The following MPHOSPH9 variants were observed in gnomAD, a reference collection of about 807,000 sequenced individuals.
MPHOSPH9 encodes M-phase phosphoprotein 9.
In MPHOSPH9, 88 loss-of-function variants were observed where a neutral mutation model predicts 145.5. That is an observed-to-expected ratio of 0.60 (90% confidence interval 0.51 to 0.72). The LOEUF is 0.72. Ranked by LOEUF, MPHOSPH9 falls within the 30% of genes least tolerant of loss-of-function variation. MPHOSPH9 has a pLI of 0.00. For synonymous variants in MPHOSPH9, 435 were observed against 486.2 expected (o/e 0.89, Z 1.39); for missense variants, 1,238 against 1,386.6 (o/e 0.89, Z 1.70).
chr12:123,177,984 G>A (rs1235501548), intron 15 of MPHOSPH9, among the ~76,000 whole-genome samples: 1 of 152,202 alleles, frequency 6.6e-6, no homozygotes, highest in East Asian at 1.9e-4. Flanking sequence ...TTTACCAACA[G>A]GAAATAACTA....
rs532807945 is a variant in MPHOSPH9, at chr12:123,202,115, T to A, written c.1937+49A>T. The A allele has an allele frequency of 6.0e-6, 9 of 1,497,554 alleles. No individual in the cohort carries two copies. In the African/African-American group the frequency reaches 1.1e-4, roughly 19 times the overall value. The allele number at this position is 1,497,554 out of a possible 1,614,324, so 92.8% of individuals were successfully genotyped here. A position where few individuals can be genotyped will look rare whatever the true frequency, so the allele number is the denominator to read the frequency against. On this transcript the variant is annotated intron_variant, in intron 11 of 23. Transcript: ENST00000606320. ...TTCTCACATTATACTTCTGTGAAAA[T>A]AATACATCCAAGGTGGAGAAAACTT...
chr12:123,187,857 G>A (rs1001628451), intron 13 of MPHOSPH9, among the ~76,000 whole-genome samples: 6 of 152,294 alleles, frequency 3.9e-5, no homozygotes, highest in African/African-American at 7.2e-5. Context: ...TGGGCGCCGT[G>A]GCTCGCACCT....
chr12:123,153,381 G>A (rs919690095), downstream of MPHOSPH9: 3 of 152,128 alleles, frequency 2.0e-5, no homozygotes, highest in Non-Finnish European at 2.9e-5. Flanking sequence ...AAAGCGTGAA[G>A]AGAACATCTT....
At chr12:123,153,466 A>G (rs1351226666), downstream of MPHOSPH9, 1 of 152,200 alleles carries the variant, frequency 6.6e-6, no homozygotes, top group Non-Finnish European at 1.5e-5. Flanking sequence ...TTTTTATTTC[A>G]GAAAGTATGC....
intron 1 of MPHOSPH9, 74 bp from the exon 2 acceptor site, chr12:123,230,596 G>A (rs2047601602): frequency 7.9e-6 from 3 of 379,060 alleles, no homozygotes; most frequent in South Asian, 4.2e-5. Flanking sequence ...ACATAACTTT[G>A]GAAACCTTAA....
intron 1 of MPHOSPH9, among the ~76,000 whole-genome samples, chr12:123,241,163 T>G (rs117091269): frequency 0.037 from 5,610 of 151,408 alleles, 138 homozygotes; most frequent in Non-Finnish European, 0.056. Context: ...TTTTTGTTTT[T>G]TTTTTAATAA....
At chr12:123,177,949 T>C (rs1183884741) in intron 15 of MPHOSPH9, among the ~76,000 whole-genome samples, 1 of 152,224 alleles carries the variant, frequency 6.6e-6, no homozygotes, top group African/African-American at 2.4e-5. Context: ...TTGTGCCATG[T>C]TCAAAATAAA....
At chr12:123,179,265 A>G (rs1346514090) in intron 15 of MPHOSPH9, among the ~76,000 whole-genome samples, 2 of 152,070 alleles carry the variant, frequency 1.3e-5, no homozygotes. Context: ...CTTACTTCTA[A>G]AAAAAGTTTT....
chr12:123,163,392 C>T (rs757027184), intron 19 of MPHOSPH9: 4 of 356,506 alleles, frequency 1.1e-5, no homozygotes, highest in Non-Finnish European at 2.0e-5. Context: ...TTTTAGAAGT[C>T]GACTGGAAAT....
At chr12:123,198,513 G>C (rs947795489) in intron 11 of MPHOSPH9, among the ~76,000 whole-genome samples, 179 bp from the exon 12 acceptor site, 1 of 151,948 alleles carries the variant, frequency 6.6e-6, no homozygotes, top group Non-Finnish European at 1.5e-5. Flanking sequence ...AGTATGTAGA[G>C]AAAAGGCTAA....
chr12:123,161,099 C>T, intron 22 of MPHOSPH9, 37 bp downstream of exon 22: 1 of 1,606,256 alleles, frequency 6.2e-7, no homozygotes, highest in Non-Finnish European at 8.5e-7. Flanking sequence ...GCATTAAGTT[C>T]AGAAAACAAT....
intron 13 of MPHOSPH9, 44 bp downstream of exon 13, chr12:123,194,342 T>C: frequency 8.4e-7 from 1 of 1,194,056 alleles, no homozygotes; most frequent in East Asian, 2.4e-5. Flanking sequence ...CCTAAATTAC[T>C]TTTAGCCAAT....
Position 123,156,148 on chromosome 12 carries a change from T to A in MPHOSPH9, c.*659A>T, listed in dbSNP as rs926386903. ...AGAGAGGGCTCTCCAATTGTTTAAC[T>A]TTTTTAGAAAAGATAAAATTAGAGA... On this transcript the variant is annotated 3_prime_UTR_variant, in exon 24 of 24. Transcript: ENST00000606320. The A allele has an allele frequency of 6.6e-6, 1 of 152,206 alleles. No individual in the cohort carries two copies. The highest frequency in any genetic ancestry group is 1.5e-5 in the Non-Finnish European group (1 of 68,042). The allele number at this position is 152,206 out of a possible 1,614,324, so 9.4% of individuals were successfully genotyped here.
At chr12:123,169,539 A>G (rs2044483577) in intron 16 of MPHOSPH9, among the ~76,000 whole-genome samples, 1 of 152,030 alleles carries the variant, frequency 6.6e-6, no homozygotes, top group African/African-American at 2.4e-5. Flanking sequence ...GGAAAATTAC[A>G]AAGAATACTA....
rs2046281428 is a variant in MPHOSPH9 at position 123,202,852 on chromosome 12, A to C, written c.1553T>G (p.Val518Gly). 8 of 1,614,062 alleles carry C rather than the reference A, an allele frequency of 5.0e-6. No individual in the cohort carries two copies. The Admixed American group carries it at 1.2e-4, about 24-fold the overall frequency. ...KYPSHTKASP[V>G]DSWKNQTFQN... is the part of the protein sequence containing the mutation. The stretch of plus-strand genomic sequence containing the variant: ...GAATGTCTGATTTTTCCAAGAGTCC[A>C]CCGGAGAAGCTTTTGTGTGTGAGGG... Residue 518 changes from valine (V) to glycine (G), a missense_variant, in exon 10 of 24, where the codon GTG (valine) becomes GGG (glycine). Coordinates refer to ENST00000606320, the MANE Select transcript of MPHOSPH9 (RefSeq NM_022782.4).
At chr12:123,240,307 G>C (rs997277315) in intron 1 of MPHOSPH9, among the ~76,000 whole-genome samples, 9 of 152,064 alleles carry the variant, frequency 5.9e-5, no homozygotes, top group Admixed American at 5.2e-4. Flanking sequence ...CCGGGAGGCG[G>C]AGGTTGCAGT....
Position 123,164,179 on chromosome 12 carries a change from C to G in MPHOSPH9, c.2768-89G>C, listed in dbSNP as rs150537750. ...CCACCTTTATTAACAGGTGGTTACA[C>G]ATGGTTACACACCAAGCCCCACAGC... On this transcript the variant is annotated intron_variant, in intron 18 of 23. Coordinates refer to ENST00000606320, the MANE Select transcript of MPHOSPH9 (RefSeq NM_022782.4). The G allele has an allele frequency of 5.6e-5, 81 of 1,445,644 alleles. No homozygotes were observed. The East Asian group carries it at 1.4e-3, about 25-fold the overall frequency. 89.6% of individuals were successfully genotyped at this position (1,445,644 alleles called of 1,614,324 possible).
intron 16 of MPHOSPH9, among the ~76,000 whole-genome samples, chr12:123,168,341 C>CTTTTT (rs1247136954): frequency 3.0e-5 from 4 of 135,426 alleles, no homozygotes; most frequent in Admixed American, 7.4e-5. Flanking sequence ...ACATGACTTT[C>CTTTTT]TTTTTTTTTT....
At chr12:123,240,768 CTG>C (rs2047922360) in intron 1 of MPHOSPH9, 1 of 134,158 alleles carries the variant, frequency 7.5e-6, no homozygotes, top group Non-Finnish European at 1.5e-5. Context: ...AAGTCTCACT[CTG>C]TACCCCAGGC....
Sources: gnomAD v4.1 joint callset for allele counts (sites outside exome capture counted in the v4.1 genomes callset) on GRCh38, gnomAD v4.1.1 for gene constraint, MANE v1.5 for transcripts, NCBI Gene and HGNC (gene_info 2026-07-23, HGNC 2026-07-21) for gene names.